The following RUSC2 variants were observed in gnomAD, a reference collection of about 807,000 sequenced individuals.
The protein encoded by RUSC2 is AP-4 complex accessory subunit RUSC2.
In RUSC2, 34 loss-of-function variants were observed where a neutral mutation model predicts 122.2. The ratio of observed to expected loss-of-function variants is 0.28; its 90% confidence interval spans 0.21 to 0.37. The LOEUF (loss-of-function observed/expected upper bound fraction) is 0.37, where lower values mean the gene tolerates loss of function less well. RUSC2 is among the 10% of genes least tolerant of loss of function. The pLI, the probability that RUSC2 is intolerant of heterozygous loss-of-function variation, is 1.00. For synonymous variants in RUSC2, 784 were observed against 790.0 expected, an observed-to-expected ratio of 0.99 and a Z score of 0.13; for missense variants, 1,747 against 1,952.4, an observed-to-expected ratio of 0.89 and a Z score of 1.98.
At position 35,548,731 on chromosome 9, in the gene RUSC2, C is replaced by A; in HGVS notation, c.2014+196C>A. On this transcript the variant is annotated intron_variant, in intron 2 of 11. Transcript: ENST00000361226. This position sits in a 1 kb window ranked among gnomAD's most constrained non-coding sequence, Gnocchi z 4.5. Reference sequence around the variant, plus strand: ...GCTCACTGGAGAAAGACAGAGGACTCAAAAATACACTGAGCAGACTGGGTG... The same window carrying A: ...GCTCACTGGAGAAAGACAGAGGACTAAAAAATACACTGAGCAGACTGGGTG... 2.0e-6 allele frequency: 2 copies of A among 985,316 alleles called. No homozygotes were observed. The highest frequency in any genetic ancestry group is 2.4e-6 in the Non-Finnish European group (2 of 829,904). The allele number at this position is 985,316 out of a possible 1,614,324, so 61.0% of individuals were successfully genotyped here. A position where few individuals can be genotyped will look rare whatever the true frequency, so the allele number is the denominator to read the frequency against.
At position 35,558,165 on chromosome 9, in the gene RUSC2, G is replaced by C; in HGVS notation, c.3061-32G>C. ...GAGAGGACCACAGTCAGGCCTGAGG[G>C]GGTTTCCTGCACTTCCCTACCACAC... On this transcript the variant is annotated intron_variant, in intron 6 of 11. Coordinates refer to ENST00000361226, the MANE Select transcript of RUSC2 (RefSeq NM_014806.5). This position sits in a 1 kb window ranked among gnomAD's most constrained non-coding sequence, Gnocchi z 4.3. 1 of 1,606,056 alleles carries C rather than the reference G, an allele frequency of 6.2e-7. No homozygotes were observed. Among genetic ancestry groups the C allele is most frequent in the South Asian group, 1.1e-5 (1 of 90,834 alleles).
rs1187319218 is a variant in RUSC2 at position 35,561,803 on chromosome 9, AT to A, written c.*422del. Reference sequence around the variant, plus strand: ...AATAGGCTGTGGCCAGTGCCTGGTCATCAGAAGAGGGAGGAGGAGCCCAGGC... The same window carrying A: ...AATAGGCTGTGGCCAGTGCCTGGTCACAGAAGAGGGAGGAGGAGCCCAGGC... On this transcript the variant is annotated 3_prime_UTR_variant, in exon 12 of 12. Coordinates refer to ENST00000361226, the MANE Select transcript of RUSC2 (RefSeq NM_014806.5). The A allele has an allele frequency of 3.5e-6, 2 of 576,434 alleles. No individual in the cohort carries two copies. Among genetic ancestry groups the A allele is most frequent in the African/African-American group, 3.7e-5 (2 of 53,646 alleles). The allele number at this position is 576,434 out of a possible 1,614,324, so 35.7% of individuals were successfully genotyped here. A position where few individuals can be genotyped will look rare whatever the true frequency, so the allele number is the denominator to read the frequency against.
intron 1 of RUSC2, among the ~76,000 whole-genome samples, chr9:35,520,980 C>G (rs778336629): frequency 5.9e-5 from 9 of 152,200 alleles, no homozygotes; most frequent in Non-Finnish European, 1.3e-4. Context: ...GTCTTCCTCT[C>G]TCCCCCTAAT....
intron 2 of RUSC2, among the ~76,000 whole-genome samples, chr9:35,554,754 T>C (rs1255748230): frequency 6.6e-6 from 1 of 151,424 alleles, no homozygotes; most frequent in Non-Finnish European, 1.5e-5. Flanking sequence ...AACTCAAAAC[T>C]TCTCAAGAAA....
intron 1 of RUSC2, among the ~76,000 whole-genome samples, chr9:35,501,608 C>T (rs936347309): frequency 6.6e-6 from 1 of 152,118 alleles, no homozygotes; most frequent in Admixed American, 6.6e-5. Flanking sequence ...GATATTTCTT[C>T]TACTGAGTTA....
At chr9:35,513,013 G>C (rs1821036494) in intron 1 of RUSC2, among the ~76,000 whole-genome samples, 1 of 152,188 alleles carries the variant, frequency 6.6e-6, no homozygotes, top group South Asian at 2.1e-4. Context: ...TGCACATGCA[G>C]TTATAATGTC....
chr9:35,497,288 G>T (rs1379106602), intron 1 of RUSC2, among the ~76,000 whole-genome samples: 1 of 152,206 alleles, frequency 6.6e-6, no homozygotes, highest in Admixed American at 6.5e-5. Context: ...GCAACATTCA[G>T]TCTTTTCTTG....
chr9:35,535,600 G>A (rs936798109), intron 1 of RUSC2, among the ~76,000 whole-genome samples: 1 of 147,326 alleles, frequency 6.8e-6, no homozygotes, highest in Non-Finnish European at 1.5e-5. Flanking sequence ...GTGCAGTGGC[G>A]CCATCTTGGC....
At position 35,554,965 on chromosome 9, in the gene RUSC2, T is replaced by A. The variant is rs1587867548; in HGVS notation, c.2015-95T>A. The A allele has an allele frequency of 7.6e-6, 11 of 1,450,640 alleles. No individual in the cohort carries two copies. The East Asian group carries it at 2.5e-4, about 33-fold the overall frequency. The allele number at this position is 1,450,640 out of a possible 1,614,324, so 89.9% of individuals were successfully genotyped here. On this transcript the variant is annotated intron_variant, in intron 2 of 11. Coordinates refer to ENST00000361226, the MANE Select transcript of RUSC2 (RefSeq NM_014806.5). Reference sequence around the variant, plus strand: ...ATTCAATTCCTGCCAGCCAGGTCCCTGCCCCTCTCCCCTCTCCCATCTCTG... The same window carrying A: ...ATTCAATTCCTGCCAGCCAGGTCCCAGCCCCTCTCCCCTCTCCCATCTCTG...
Position 35,533,246 on chromosome 9 carries a change from C to CAAA in RUSC2, c.-92-13172_-92-13170dup, listed in dbSNP as rs67387968. On this transcript the variant is annotated intron_variant, in intron 1 of 11. Transcript: ENST00000361226. ...TGGGTGACAGAGCGAGACTCTGTCT[C>CAAA]AAAAAAAAAAAAAAGAAGAATTTGG... Among the ~76,000 whole-genome samples the CAAA allele has an allele frequency of 7.3e-4, 90 of 122,862 alleles. 1 individual carries two copies. Among genetic ancestry groups the CAAA allele is most frequent in the Middle Eastern group, 4.2e-3 (1 of 240 alleles). 80.6% of individuals were successfully genotyped at this position (122,862 alleles called of 152,430 possible).
chr9:35,523,575 G>A (rs1821258420), intron 1 of RUSC2, among the ~76,000 whole-genome samples: 1 of 152,114 alleles, frequency 6.6e-6, no homozygotes, highest in South Asian at 2.1e-4. Context: ...TGTCACTTTG[G>A]GAGGCTGAGG....
At chr9:35,553,934 C>A (rs1821952645) in intron 2 of RUSC2, among the ~76,000 whole-genome samples, 1 of 152,208 alleles carries the variant, frequency 6.6e-6, no homozygotes, top group South Asian at 2.1e-4. Context: ...AGAACAGTGG[C>A]TCTGAAATCA....
intron 1 of RUSC2, among the ~76,000 whole-genome samples, chr9:35,500,072 A>T (rs554729516): frequency 6.6e-6 from 1 of 152,314 alleles, no homozygotes; most frequent in Admixed American, 6.5e-5. Flanking sequence ...CCGGATAGCT[A>T]GAGTTTTTCT....
chr9:35,529,380 C>T (rs1056889101), intron 1 of RUSC2, among the ~76,000 whole-genome samples: 1 of 150,968 alleles, frequency 6.6e-6, no homozygotes, highest in African/African-American at 2.4e-5. Context: ...GATTGTTAGT[C>T]ATGTAGGAAT....
rs777978318 is a variant in RUSC2 at position 35,546,653 on chromosome 9, C to T, written c.132C>T (p.Pro44=). The change falls in exon 2 of 12, where the codon CCC becomes CCT. Residue 44 remains proline, a synonymous_variant. Transcript: ENST00000361226. This position sits in a 1 kb window ranked among gnomAD's most constrained non-coding sequence, Gnocchi z 4.3. ...GTGGTGGGAGCACAAGACCTAATCC[C>T]TTCTGCCCACCTGAGCTGGGCATCA... The part of the protein sequence containing the change: ...GGGGGSTRPN[P]FCPPELGITQ... 1 of 1,572,676 alleles carries T rather than the reference C, an allele frequency of 6.4e-7. No homozygotes were observed.
intron 1 of RUSC2, among the ~76,000 whole-genome samples, chr9:35,528,195 G>C (rs891484392): frequency 3.3e-5 from 5 of 152,054 alleles, no homozygotes; most frequent in African/African-American, 1.2e-4. Context: ...AGATCAGCCT[G>C]GGCAACATAG....
rs1821764456 is a variant in RUSC2 at position 35,547,073 on chromosome 9, G to C, written c.552G>C (p.Gln184His). 1.9e-6 allele frequency: 3 copies of C among 1,613,774 alleles called. No individual in the cohort carries two copies. In the South Asian group the frequency reaches 3.3e-5, roughly 18 times the overall value. ...CAGTGATGACCTTGGATACTCAGCA[G>C]TGCGGCACCAGCCACTGCTGCCGGC... ...QEPVMTLDTQ[Q>H]CGTSHCCRPE... Residue 184 changes from glutamine (Q) to histidine (H), a missense_variant, in exon 2 of 12, where the codon CAG (glutamine) becomes CAC (histidine). Transcript: ENST00000361226. This position sits in a 1 kb window ranked among gnomAD's most constrained non-coding sequence, Gnocchi z 4.6.
rs1162475652 is a variant in RUSC2 at position 35,546,373 on chromosome 9, T to C, written c.-92-57T>C. On this transcript the variant is annotated intron_variant, in intron 1 of 11. Transcript: ENST00000361226. This position sits in a 1 kb window ranked among gnomAD's most constrained non-coding sequence, Gnocchi z 4.3. ...TCTGAAAATGATGTAGGGAAGGGCATGCCCCTGACTTCCAGGGAGGTGACA... is the reference window on the plus strand; with the variant it reads ...TCTGAAAATGATGTAGGGAAGGGCACGCCCCTGACTTCCAGGGAGGTGACA... The C allele has an allele frequency of 2.2e-6, 1 of 460,856 alleles. No individual in the cohort carries two copies. The highest frequency in any genetic ancestry group is 3.6e-6 in the Non-Finnish European group (1 of 278,914). The allele number at this position is 460,856 out of a possible 1,614,324, so 28.5% of individuals were successfully genotyped here.
At chr9:35,501,844 T>C (rs1398998207) in intron 1 of RUSC2, among the ~76,000 whole-genome samples, 1 of 152,206 alleles carries the variant, frequency 6.6e-6, no homozygotes, top group Non-Finnish European at 1.5e-5. Context: ...TTTTCCTCCT[T>C]TAGTTTAGGA....
Sources: allele counts gnomAD v4.1 joint callset (sites outside exome capture counted in the v4.1 genomes callset), GRCh38; gene constraint gnomAD v4.1.1; non-coding constraint Gnocchi (gnomAD v3.1); transcripts MANE v1.5; gene names NCBI Gene and HGNC (gene_info 2026-07-23, HGNC 2026-07-21).